Variants in SPTBN1 observed in about 807,000 individuals in gnomAD.
SPTBN1 encodes spectrin beta, non-erythrocytic 1, also known as spectrin beta chain, non-erythrocytic 1.
Under a neutral mutation model 266.4 loss-of-function variants are expected in SPTBN1, and 32 were observed. That is an observed-to-expected ratio of 0.12 (90% CI 0.09 to 0.16). The LOEUF is 0.16. SPTBN1 is among the 10% of genes least tolerant of loss of function. The pLI, the probability that SPTBN1 is intolerant of heterozygous loss-of-function variation, is 1.00. For synonymous variants in SPTBN1, 1,336 were observed against 1,162.2 expected (o/e 1.15, Z -3.04); for missense variants, 2,296 against 3,067.1 (o/e 0.75, Z 5.94).
chr2:54,561,012 A>T (rs1673260039), intron 2 of SPTBN1, among the ~76,000 whole-genome samples: 1 of 152,228 alleles, frequency 6.6e-6, no homozygotes, highest in African/African-American at 2.4e-5. Flanking sequence ...TTTTGATAAC[A>T]TATAATTTCT....
chr2:54,479,679 TC>T (rs1668006877), intron 1 of SPTBN1, among the ~76,000 whole-genome samples: 1 of 152,186 alleles, frequency 6.6e-6, no homozygotes, highest in Non-Finnish European at 1.5e-5. Context: ...ATGACTCACT[TC>T]CTAGGGTGTT....
chr2:54,659,731 G>A (rs941695132), intron 31 of SPTBN1, among the ~76,000 whole-genome samples: 11 of 152,136 alleles, frequency 7.2e-5, no homozygotes, highest in African/African-American at 1.7e-4. Flanking sequence ...GTGGTGGAGC[G>A]GGGCATAGGG....
At chr2:54,487,847 T>TTTTTTTTTTTTTA (rs1668489640) in intron 1 of SPTBN1, among the ~76,000 whole-genome samples, 2 of 138,186 alleles carry the variant, frequency 1.4e-5, no homozygotes, top group Admixed American at 7.4e-5. Flanking sequence ...TTTTTTTTTT[T>TTTTTTTTTTTTTA]GAGACGGAGT....
chr2:54,656,618 T>TATGG (rs1362697185), intron 29 of SPTBN1, among the ~76,000 whole-genome samples: 12 of 152,366 alleles, frequency 7.9e-5, no homozygotes, highest in African/African-American at 2.6e-4. Context: ...TTGCTTACCA[T>TATGG]GCTTTGCCAT....
chr2:54,622,241 A>G (rs1678036930), intron 8 of SPTBN1, 59 bp from the exon 9 acceptor site: 5 of 1,575,672 alleles, frequency 3.2e-6, no homozygotes, highest in Non-Finnish European at 2.6e-6. Context: ...TAGGGTTACA[A>G]TCGTATTTAA....
chr2:54,660,984 T>C (rs934011786), intron 32 of SPTBN1: 14 of 985,290 alleles, frequency 1.4e-5, no homozygotes, highest in Admixed American at 6.1e-5. Flanking sequence ...ACAGAAGCCA[T>C]TGTGGTTCAT....
intron 2 of SPTBN1, among the ~76,000 whole-genome samples, chr2:54,597,566 C>T (rs532506571): frequency 3.3e-5 from 5 of 152,344 alleles, no homozygotes; most frequent in African/African-American, 1.2e-4. Context: ...CTGACTGTAG[C>T]AGGTGGCCGG....
chr2:54,594,851 T>TTTTTTTTTTTA (rs10673399), intron 2 of SPTBN1, among the ~76,000 whole-genome samples: 11 of 144,964 alleles, frequency 7.6e-5, no homozygotes, highest in Non-Finnish European at 8.9e-5. Flanking sequence ...TTTTTTTTTT[T>TTTTTTTTTTTA]GAGACAGAGT....
At chr2:54,479,868 T>A (rs1029016074) in intron 1 of SPTBN1, among the ~76,000 whole-genome samples, 1 of 152,208 alleles carries the variant, frequency 6.6e-6, no homozygotes, top group African/African-American at 2.4e-5. Flanking sequence ...TTTTGCTTTT[T>A]TTTTTTCCAA....
chr2:54,591,579 A>G (rs191512364), intron 2 of SPTBN1, among the ~76,000 whole-genome samples: 12 of 152,302 alleles, frequency 7.9e-5, no homozygotes, highest in African/African-American at 1.9e-4. Flanking sequence ...TAGGGGAACA[A>G]TGAATAGGGT....
chr2:54,599,694 T>C (rs1175217226), intron 3 of SPTBN1, among the ~76,000 whole-genome samples: 1 of 152,230 alleles, frequency 6.6e-6, no homozygotes, highest in East Asian at 1.9e-4. Flanking sequence ...GATGTTTTCT[T>C]CCCTGCACGC....
intron 1 of SPTBN1, among the ~76,000 whole-genome samples, chr2:54,465,639 C>CATATATATATATATATATATATATATAT (rs70944167): frequency 2.6e-5 from 3 of 116,354 alleles, no homozygotes; most frequent in African/African-American, 9.4e-5. Flanking sequence ...ATGTTTATCT[C>CATATATATATATATATATATATATATAT]ATATATATAT....
Position 54,655,997 on chromosome 2 carries a change from G to A in SPTBN1, c.6045G>A (p.Leu2015=), listed in dbSNP as rs146196067. ...KWEDRWEWLR[L]ILEVHQFSRD... ...AAGACCGATGGGAATGGTTAAGACT[G>A]AGTAAGGATGTAGTTTATCTTTCTG... The change falls in exon 29 of 36, where the codon CTG becomes CTA. Residue 2015 remains leucine, a splice_region_variant and synonymous_variant. Transcript: ENST00000356805. 2.8e-5 allele frequency: 45 copies of A among 1,610,972 alleles called. No homozygotes were observed. The highest frequency in any genetic ancestry group is 3.6e-5 in the Non-Finnish European group (42 of 1,177,980).
At chr2:54,564,850 C>G (rs1673561871) in intron 2 of SPTBN1, among the ~76,000 whole-genome samples, 1 of 152,148 alleles carries the variant, frequency 6.6e-6, no homozygotes, top group South Asian at 2.1e-4. Flanking sequence ...CAGTCTTTGT[C>G]TTTTTGTTTT....
chr2:54,603,548 T>C (rs4530405), intron 3 of SPTBN1, among the ~76,000 whole-genome samples: 121,569 of 152,122 alleles, frequency 0.8, 49,266 homozygotes, highest in African/African-American at 0.94. Flanking sequence ...TCCTTTCCCA[T>C]GGAGCCCTTA....
At chr2:54,473,864 G>A (rs1694053205) in intron 1 of SPTBN1, among the ~76,000 whole-genome samples, 1 of 152,170 alleles carries the variant, frequency 6.6e-6, no homozygotes, top group Admixed American at 6.5e-5. Context: ...TGTATGCCTT[G>A]TACTGGCACA....
chr2:54,665,834 A>G (rs1367699616), intron 33 of SPTBN1, 81 bp from the exon 34 acceptor site: 4 of 1,474,524 alleles, frequency 2.7e-6, no homozygotes, highest in South Asian at 1.3e-5. Flanking sequence ...GATCATTTTC[A>G]TGTTAATGAA....
At chr2:54,658,666 C>T (rs1336980009) in intron 30 of SPTBN1, among the ~76,000 whole-genome samples, 1 of 152,198 alleles carries the variant, frequency 6.6e-6, no homozygotes, top group Non-Finnish European at 1.5e-5. Context: ...ATCCATATGA[C>T]TCATGAAATG....
At chr2:54,644,183 C>G in intron 19 of SPTBN1, 140 bp from the exon 20 acceptor site, 2 of 1,053,476 alleles carry the variant, frequency 1.9e-6, no homozygotes, top group Middle Eastern at 2.6e-4. Flanking sequence ...TTTTATTGAG[C>G]AGTAACTTCA....
Sources: allele counts gnomAD v4.1 joint callset (sites outside exome capture counted in the v4.1 genomes callset), GRCh38; gene constraint gnomAD v4.1.1; transcripts MANE v1.5; gene names NCBI Gene and HGNC (gene_info 2026-07-23, HGNC 2026-07-21).